The following PLAAT1 variants were observed in gnomAD, a reference collection of about 807,000 sequenced individuals.
PLAAT1 encodes the protein H-REV107 protein-related protein.
A neutral mutation model predicts 16.4 loss-of-function variants in PLAAT1; 13 were observed. The ratio of observed to expected loss-of-function variants is 0.79; its 90% CI spans 0.52 to 1.26. The LOEUF (loss-of-function observed/expected upper bound fraction) is 1.26, where lower values mean the gene tolerates loss of function less well. Ranked by LOEUF, PLAAT1 falls within the 50% of genes most tolerant of loss-of-function variation. PLAAT1 has a pLI of 0.00. For missense variants in PLAAT1, 218 were observed against 207.8 expected (o/e 1.05, Z -0.30); for synonymous variants, 73 against 78.4 (o/e 0.93, Z 0.36).
chr3:193,275,111 T>C (rs965416240), downstream of PLAAT1: 2 of 1,614,210 alleles, frequency 1.2e-6, no homozygotes, highest in Non-Finnish European at 1.7e-6. Context: ...TTGGAATCTG[T>C]TCATGGCTTT....
At chr3:193,247,246 C>A (rs918809112) in intron 1 of PLAAT1, among the ~76,000 whole-genome samples, 1 of 152,150 alleles carries the variant, frequency 6.6e-6, no homozygotes, top group African/African-American at 2.4e-5. Flanking sequence ...CCCAGAGAAC[C>A]TCTGACCCAC....
intron 1 of PLAAT1, among the ~76,000 whole-genome samples, chr3:193,246,001 C>G (rs575644167): frequency 2.0e-5 from 3 of 152,204 alleles, no homozygotes; most frequent in Non-Finnish European, 4.4e-5. Flanking sequence ...CTAATGTCAT[C>G]AACAAACAGA....
rs184682453 is a variant in PLAAT1, at chr3:193,259,890, C to A, written c.140-3080C>A. ...AAAATATTCTAAAATTTGTATGGAA[C>A]CAAAAAAGAGCCCAAGTAGCAAAAA... is the stretch of plus-strand genomic sequence containing the variant. On this transcript the variant is annotated intron_variant, in intron 2 of 3. Coordinates refer to ENST00000264735, the MANE Select transcript of PLAAT1 (RefSeq NM_020386.5). Among the ~76,000 whole-genome samples the A allele has an allele frequency of 5.9e-5, 9 of 151,930 alleles. No homozygotes were observed. The East Asian group carries it at 1.4e-3, about 23-fold the overall frequency.
At chr3:193,251,683 C>T (rs1293585328) in intron 1 of PLAAT1, among the ~76,000 whole-genome samples, 1 of 152,176 alleles carries the variant, frequency 6.6e-6, no homozygotes, top group East Asian at 1.9e-4. Flanking sequence ...GGTTCCCTTC[C>T]TGATTATAAG....
chr3:193,257,940 G>C (rs901088154), intron 2 of PLAAT1, among the ~76,000 whole-genome samples: 2 of 152,198 alleles, frequency 1.3e-5, no homozygotes, highest in African/African-American at 4.8e-5. Context: ...CCAGTGGTTT[G>C]CCAGGGACTC....
chr3:193,262,120 GACCTGTACC>G (rs1429809274), intron 2 of PLAAT1, among the ~76,000 whole-genome samples: 6 of 152,288 alleles, frequency 3.9e-5, no homozygotes, highest in Non-Finnish European at 5.9e-5. Flanking sequence ...CCTGGCTTTA[GACCTGTACC>G]CTGAGGAATC....
chr3:193,280,987 C>T (rs1717468000), downstream of PLAAT1, among the ~76,000 whole-genome samples: 1 of 152,140 alleles, frequency 6.6e-6, no homozygotes, highest in African/African-American at 2.4e-5. Flanking sequence ...TGTTTTCATC[C>T]TTGAGCACCT....
chr3:193,270,811 A>G lies in PLAAT1; in HGVS notation c.*106A>G. 1 of 1,432,536 alleles carries G rather than the reference A, an allele frequency of 7.0e-7. No individual in the cohort carries two copies. The allele number at this position is 1,432,536 out of a possible 1,614,324, so 88.7% of individuals were successfully genotyped here. On this transcript the variant is annotated 3_prime_UTR_variant, in exon 4 of 4. Transcript: ENST00000264735. ...ATCATTACTGTTCCAGATTCCTATG[A>G]TGGATGGCAGACTCTTTAATAAATT... is the stretch of plus-strand genomic sequence containing the variant.
downstream of PLAAT1, among the ~76,000 whole-genome samples, chr3:193,279,864 G>A (rs540156030): frequency 6.7e-6 from 1 of 148,766 alleles, no homozygotes; most frequent in Admixed American, 6.9e-5. Context: ...GTCCCAATCA[G>A]CCTTTCTAAC....
intron 1 of PLAAT1, among the ~76,000 whole-genome samples, chr3:193,254,987 G>A: frequency 6.6e-6 from 1 of 152,158 alleles, no homozygotes; most frequent in Non-Finnish European, 1.5e-5. Context: ...TAAATGAAAT[G>A]ACAGAGTAGG....
downstream of PLAAT1, among the ~76,000 whole-genome samples, chr3:193,272,470 A>AC (rs1050995293): frequency 6.6e-6 from 1 of 151,372 alleles, no homozygotes; most frequent in Non-Finnish European, 1.5e-5. Flanking sequence ...CAAAACAAAA[A>AC]AACCCAGTTT....
At chr3:193,276,052 A>G (rs1015803799) in intron 2 of PLAAT1, among the ~76,000 whole-genome samples, 5 of 152,158 alleles carry the variant, frequency 3.3e-5, no homozygotes, top group African/African-American at 1.2e-4. Flanking sequence ...GCCTTCATAC[A>G]TGTAGTATTT....
At chr3:193,255,318 A>G (rs1716335616) in intron 1 of PLAAT1, among the ~76,000 whole-genome samples, 1 of 152,160 alleles carries the variant, frequency 6.6e-6, no homozygotes, top group Non-Finnish European at 1.5e-5. Context: ...TATTTTTAAA[A>G]TCTGTGTAAG....
intron 3 of PLAAT1, among the ~76,000 whole-genome samples, chr3:193,266,977 AG>A (rs2108801725): frequency 6.6e-6 from 1 of 151,182 alleles, no homozygotes; most frequent in African/African-American, 2.4e-5. Flanking sequence ...TGCATAAAAA[AG>A]GTGAGAAGGG....
chr3:193,241,638 G>T, intron 1 of PLAAT1, 105 bp downstream of exon 1: 1 of 758,640 alleles, frequency 1.3e-6, no homozygotes, highest in East Asian at 3.4e-5. Flanking sequence ...GAACAACGGA[G>T]CTTATCCACC....
chr3:193,263,490 G>T (rs1716665918), intron 3 of PLAAT1, among the ~76,000 whole-genome samples: 2 of 29,810 alleles, frequency 6.7e-5, no homozygotes, highest in African/African-American at 4.5e-4. Flanking sequence ...CAATCTTACT[G>T]CCTTTTAGTC....
chr3:193,250,160 A>G (rs1054393505), intron 1 of PLAAT1, among the ~76,000 whole-genome samples: 9 of 152,066 alleles, frequency 5.9e-5, no homozygotes, highest in African/African-American at 1.9e-4. Flanking sequence ...CTCTTCAAAG[A>G]TTGTTAGAAT....
intron 1 of PLAAT1, among the ~76,000 whole-genome samples, chr3:193,243,606 C>G (rs1577296403): frequency 6.6e-6 from 1 of 152,230 alleles, no homozygotes; most frequent in Non-Finnish European, 1.5e-5. Context: ...AGTAGAAATT[C>G]CTTTGGTTAA....
At chr3:193,248,516 G>T (rs548307915) in intron 1 of PLAAT1, among the ~76,000 whole-genome samples, 1 of 152,014 alleles carries the variant, frequency 6.6e-6, no homozygotes, top group Admixed American at 6.5e-5. Flanking sequence ...TGCTTCCTTT[G>T]CAATTTAATG....
Sources: gnomAD v4.1 joint callset for allele counts (sites outside exome capture counted in the v4.1 genomes callset) on GRCh38, gnomAD v4.1.1 for gene constraint, MANE v1.5 for transcripts, NCBI Gene and HGNC (gene_info 2026-07-23, HGNC 2026-07-21) for gene names.